Variants in ADAM12 observed in about 807,000 individuals in gnomAD.
ADAM12 encodes disintegrin and metalloproteinase domain-containing protein 12.
ADAM12 carries 70 observed loss-of-function variants against 106.4 expected under a neutral mutation model. The observed-to-expected ratio is 0.66, with a 90% CI of 0.54 to 0.80. The LOEUF (loss-of-function observed/expected upper bound fraction) is 0.80, where lower values mean the gene tolerates loss of function less well. Ranked by LOEUF, ADAM12 falls within the 30% of genes least tolerant of loss-of-function variation. The probability of loss-of-function intolerance (pLI) is 0.00; values close to 1 mark genes in which losing one functional copy is unlikely to be tolerated. For synonymous variants in ADAM12, 420 were observed against 433.5 expected, an observed-to-expected ratio of 0.97 and a Z score of 0.39; for missense variants, 1,010 against 1,171.9, an observed-to-expected ratio of 0.86 and a Z score of 2.02.
At chr10:126,135,796 T>C (rs1001055244) in intron 4 of ADAM12, 136 bp from the exon 5 acceptor site, 3 of 776,332 alleles carry the variant, frequency 3.9e-6, no homozygotes, top group Non-Finnish European at 6.3e-6. Context: ...TAATATTTAA[T>C]GCAAAGCCCA....
At chr10:126,331,354 A>G (rs1006369227) in intron 1 of ADAM12, among the ~76,000 whole-genome samples, 2 of 152,210 alleles carry the variant, frequency 1.3e-5, no homozygotes, top group Non-Finnish European at 2.9e-5. Context: ...CATTTCTTCA[A>G]GCAGGACTCA....
intron 3 of ADAM12, among the ~76,000 whole-genome samples, chr10:126,248,855 G>A (rs1958685910): frequency 6.6e-6 from 1 of 151,902 alleles, no homozygotes; most frequent in African/African-American, 2.4e-5. Context: ...ACAGACAGGC[G>A]CCATCGTACC....
In ADAM12 at chr10:126,266,539, G is replaced by A. The variant is rs1959100960; in HGVS notation, c.260+12376C>T. On this transcript the variant is annotated intron_variant, in intron 3 of 22. Transcript: ENST00000448723. ...ATGGCAGCAGAACAGCACTCATGCT[G>A]TGAATGGCAGTGCAGTGTCAAGCAC... Among the ~76,000 whole-genome samples, 5 of 152,202 alleles carry A rather than the reference G, an allele frequency of 3.3e-5. No homozygotes were observed. In the South Asian group the frequency reaches 1.0e-3, roughly 31 times the overall value.
At position 126,216,651 on chromosome 10, in the gene ADAM12, G is replaced by A. The variant is rs563402048; in HGVS notation, c.261-61346C>T. 2.1e-4 allele frequency among the ~76,000 whole-genome samples: 32 copies of A among 152,294 alleles called. No homozygotes were observed. In the South Asian group the frequency reaches 5.8e-3, roughly 28 times the overall value. Reference sequence around the variant, plus strand: ...TCACACTGCTTCAAATGTTCCTTCCGACGCATCCTTTATTAATGATGCCTT... The same window carrying A: ...TCACACTGCTTCAAATGTTCCTTCCAACGCATCCTTTATTAATGATGCCTT... On this transcript the variant is annotated intron_variant, in intron 3 of 22. Coordinates refer to ENST00000448723, the MANE Select transcript of ADAM12 (RefSeq NM_001288973.2).
At chr10:126,087,019 C>T (rs369308626) in intron 11 of ADAM12, among the ~76,000 whole-genome samples, 25 of 83,828 alleles carry the variant, frequency 3.0e-4, no homozygotes, top group Middle Eastern at 5.9e-3. Context: ...GGTGACAGAG[C>T]GAGGCTCAGC....
Position 126,017,448 on chromosome 10 carries a change from G to A in ADAM12, c.2661-109C>T, listed in dbSNP as rs1306454413. ...ATTCTGATAGTCTGAAGGGTTTTCT[G>A]TGTCAGATACCACTGCCCCTCATAA... is the stretch of plus-strand genomic sequence containing the variant. On this transcript the variant is annotated intron_variant, in intron 22 of 22. Transcript: ENST00000448723. 7 of 1,096,530 alleles carry A rather than the reference G, an allele frequency of 6.4e-6. No individual in the cohort carries two copies. The African/African-American group carries it at 6.4e-5, about 10-fold the overall frequency. The allele number at this position is 1,096,530 out of a possible 1,614,324, so 67.9% of individuals were successfully genotyped here. A position where few individuals can be genotyped will look rare whatever the true frequency, so the allele number is the denominator to read the frequency against.
At chr10:126,325,715 A>G (rs1398955147) in intron 2 of ADAM12, among the ~76,000 whole-genome samples, 4 of 152,136 alleles carry the variant, frequency 2.6e-5, no homozygotes, top group East Asian at 1.9e-4. Context: ...ACATTTTGAC[A>G]TGTCTTCGCT....
chr10:126,353,910 C>T (rs1045728542), intron 1 of ADAM12, among the ~76,000 whole-genome samples: 2 of 152,162 alleles, frequency 1.3e-5, no homozygotes, highest in African/African-American at 4.8e-5. Flanking sequence ...TACAAGTCTA[C>T]AAGACCATGT....
chr10:126,035,249 A>G lies in ADAM12; in HGVS notation c.2529+897T>C, dbSNP rs542158566. On this transcript the variant is annotated intron_variant, in intron 21 of 22. Coordinates refer to ENST00000448723, the MANE Select transcript of ADAM12 (RefSeq NM_001288973.2). ...TTATGAGGCTTAAAATGGTCATACA[A>G]TCTTTCAACCCAATATTTTACTTTT... 5.3e-5 allele frequency among the ~76,000 whole-genome samples: 8 copies of G among 152,322 alleles called. No homozygotes were observed. The South Asian group carries it at 1.5e-3, about 28-fold the overall frequency.
chr10:126,284,423 G>A (rs1302524558), intron 2 of ADAM12, among the ~76,000 whole-genome samples: 1 of 149,284 alleles, frequency 6.7e-6, no homozygotes, highest in Non-Finnish European at 1.5e-5. Flanking sequence ...AATACCATGT[G>A]TCTCATTGTC....
intron 3 of ADAM12, among the ~76,000 whole-genome samples, chr10:126,188,540 G>A (rs555965626): frequency 6.6e-6 from 1 of 152,082 alleles, no homozygotes; most frequent in Non-Finnish European, 1.5e-5. Context: ...ACAAACAAAG[G>A]CCTTGTCTGT....
chr10:126,139,831 T>G (rs951278394), intron 4 of ADAM12, among the ~76,000 whole-genome samples: 6 of 152,224 alleles, frequency 3.9e-5, no homozygotes, highest in Non-Finnish European at 8.8e-5. Context: ...CAAACCTCGC[T>G]GCCAGGTCAC....
intron 3 of ADAM12, among the ~76,000 whole-genome samples, chr10:126,260,598 C>T (rs1265426840): frequency 2.0e-5 from 3 of 152,188 alleles, no homozygotes; most frequent in Non-Finnish European, 2.9e-5. Context: ...TCCTTAAGGC[C>T]AGTTAATTGT....
chr10:126,145,834 T>G (rs1414316429), intron 4 of ADAM12, among the ~76,000 whole-genome samples: 1 of 152,214 alleles, frequency 6.6e-6, no homozygotes, highest in Admixed American at 6.5e-5. Context: ...GTTGAATTAG[T>G]GCATGAATGA....
Position 126,038,235 on chromosome 10 carries a change from ACT to A in ADAM12, c.2349+4_2349+5del, listed in dbSNP as rs1954092776. ...CCCTGAGCACTCACATCTACTCAAG[ACT>A]CACCTTCGGTGGGTAGGAATCTGGC... On this transcript the variant is annotated splice_donor_5th_base_variant and intron_variant, in intron 20 of 22. Transcript: ENST00000448723. 6.2e-7 allele frequency: 1 copy of A among 1,604,154 alleles called. No individual in the cohort carries two copies.
intron 2 of ADAM12, among the ~76,000 whole-genome samples, chr10:126,310,668 A>T (rs1961042932): frequency 6.6e-6 from 1 of 152,208 alleles, no homozygotes; most frequent in African/African-American, 2.4e-5. Context: ...GCTAACTCTC[A>T]AAATTATGTA....
At chr10:126,048,391 T>C (rs1385064756) in intron 16 of ADAM12, among the ~76,000 whole-genome samples, 1 of 152,168 alleles carries the variant, frequency 6.6e-6, no homozygotes, top group African/African-American at 2.4e-5. Context: ...ACATTCAGAA[T>C]GTATAAGAAG....
At chr10:126,143,272 A>G (rs1956553457) in intron 4 of ADAM12, among the ~76,000 whole-genome samples, 1 of 131,274 alleles carries the variant, frequency 7.6e-6, no homozygotes, top group Non-Finnish European at 1.6e-5. Context: ...GTATGTGTGT[A>G]TATGGGTATG....
chr10:126,367,998 C>T lies in ADAM12; in HGVS notation c.88+20060G>A, dbSNP rs1461505128. 2.0e-5 allele frequency among the ~76,000 whole-genome samples: 3 copies of T among 151,760 alleles called. No individual in the cohort carries two copies. The East Asian group carries it at 5.8e-4, about 29-fold the overall frequency. ...AAAATAGCACTATCTCTTATAAAAA[C>T]AGACATAAAATCCTTAAAATATTAG... On this transcript the variant is annotated intron_variant, in intron 1 of 22. Coordinates refer to ENST00000448723, the MANE Select transcript of ADAM12 (RefSeq NM_001288973.2).
Sources: allele counts gnomAD v4.1 joint callset (sites outside exome capture counted in the v4.1 genomes callset), GRCh38; gene constraint gnomAD v4.1.1; transcripts MANE v1.5; gene names NCBI Gene and HGNC (gene_info 2026-07-23, HGNC 2026-07-21).